Variants in CRYBA4 observed in about 807,000 individuals in gnomAD.
CRYBA4 encodes beta-crystallin A4.
CRYBA4 carries 30 observed loss-of-function variants against 31.7 expected under a neutral mutation model. The observed-to-expected ratio is 0.95, with a 90% CI of 0.71 to 1.28. The LOEUF (loss-of-function observed/expected upper bound fraction) is 1.28. Ranked by LOEUF, CRYBA4 falls within the 50% of genes most tolerant of loss-of-function variation. The pLI is 0.00. For synonymous variants in CRYBA4, 102 were observed against 102.3 expected (o/e 1.00, Z 0.02); for missense variants, 225 against 260.7 (o/e 0.86, Z 0.94).
chr22:26,615,819 T>A, the CRYBA4 span, among the ~76,000 whole-genome samples: 1 of 152,258 alleles, frequency 6.6e-6, no homozygotes, highest in East Asian at 1.9e-4. Context: ...CGGCCCCACT[T>A]TCTCCAAGTG....
At chr22:26,612,272 A>G in the CRYBA4 span, 1 of 896,014 alleles carries the variant, frequency 1.1e-6, no homozygotes, top group South Asian at 1.3e-5. Flanking sequence ...AATAAAAGCC[A>G]GCAGTGCAGG....
chr22:26,617,602 C>T (rs76892096), upstream of CRYBA4, among the ~76,000 whole-genome samples: 5,157 of 152,052 alleles, frequency 0.034, 148 homozygotes, highest in East Asian at 0.092. Flanking sequence ...TTCACCCTCT[C>T]CCTCTGTTCC....
chr22:26,623,202 C>T (rs368952089), intron 2 of CRYBA4, 32 bp from the exon 3 acceptor site: 31 of 1,567,354 alleles, frequency 2.0e-5, no homozygotes, highest in Admixed American at 3.3e-5. Flanking sequence ...GACTCTGATG[C>T]GGATCTCCAC....
At chr22:26,628,555 G>C (rs1929822523) in intron 5 of CRYBA4, 125 bp downstream of exon 5, 4 of 1,093,534 alleles carry the variant, frequency 3.7e-6, no homozygotes, top group Non-Finnish European at 5.3e-6. Context: ...GGAGAACACT[G>C]AGGCACAGGG....
Position 26,626,294 on chromosome 22 carries a change from C to T in CRYBA4, c.300+672C>T, listed in dbSNP as rs560641889. Among the ~76,000 whole-genome samples, 290 of 152,298 alleles carry T rather than the reference C, an allele frequency of 1.9e-3. 1 individual carries two copies. Among genetic ancestry groups the T allele is most frequent in the Non-Finnish European group, 3.3e-3 (223 of 68,028 alleles). ...TGGCACATGCCTGTAGTCCCAGCTACTCAGGAGGCTGAGGCAGGAGAATCA... is the reference window on the plus strand; with the variant it reads ...TGGCACATGCCTGTAGTCCCAGCTATTCAGGAGGCTGAGGCAGGAGAATCA... On this transcript the variant is annotated intron_variant, in intron 4 of 5. Coordinates refer to ENST00000354760, the MANE Select transcript of CRYBA4 (RefSeq NM_001886.3).
At chr22:26,624,481 G>A (rs1929644069) in intron 3 of CRYBA4, among the ~76,000 whole-genome samples, 1 of 152,240 alleles carries the variant, frequency 6.6e-6, no homozygotes, top group South Asian at 2.1e-4. Flanking sequence ...AGTTTGGAAA[G>A]TAGATAGGAG....
the CRYBA4 span, among the ~76,000 whole-genome samples, chr22:26,606,983 A>C: frequency 6.6e-6 from 1 of 151,424 alleles, no homozygotes; most frequent in South Asian, 2.1e-4. Context: ...TCTTATTATT[A>C]AGAGGTTCAA....
At chr22:26,622,090 C>T (rs1410748876) in intron 1 of CRYBA4, 104 bp downstream of exon 1, 3 of 492,188 alleles carry the variant, frequency 6.1e-6, no homozygotes, top group Non-Finnish European at 8.0e-6. Flanking sequence ...CTGTGTCATC[C>T]TGAATGCCAT....
upstream of CRYBA4, among the ~76,000 whole-genome samples, chr22:26,618,352 C>A (rs1929427169): frequency 1.3e-5 from 2 of 152,208 alleles, no homozygotes; most frequent in Non-Finnish European, 2.9e-5. Context: ...AGGCAGGAGA[C>A]CAGAGTTTGA....
chr22:26,603,125 C>CAAAAAAAAAAAAAAAAAAAAAAAAAAAAA, the CRYBA4 span, among the ~76,000 whole-genome samples: 1 of 69,352 alleles, frequency 1.4e-5, no homozygotes. Flanking sequence ...GACTCCGTCT[C>CAAAAAAAAAAAAAAAAAAAAAAAAAAAAA]AAAAAAAAAA....
intron 5 of CRYBA4, among the ~76,000 whole-genome samples, chr22:26,629,961 A>T (rs8136378): frequency 0.019 from 2,929 of 152,280 alleles, 80 homozygotes; most frequent in African/African-American, 0.066. Context: ...TCCTACACTC[A>T]GGAGCTTGCC....
intron 3 of CRYBA4, 47 bp from the exon 4 acceptor site, chr22:26,625,434 G>GA: frequency 6.2e-7 from 1 of 1,608,156 alleles, no homozygotes; most frequent in South Asian, 1.1e-5. Flanking sequence ...TAGAATGCAG[G>GA]GTGAGGGGGA....
chr22:26,624,907 A>G (rs1041857296), intron 3 of CRYBA4, among the ~76,000 whole-genome samples: 1 of 152,184 alleles, frequency 6.6e-6, no homozygotes, highest in African/African-American at 2.4e-5. Flanking sequence ...CCCACATCTC[A>G]GAGTGGCCAG....
At chr22:26,616,246 C>T in the CRYBA4 span, 480 of 1,614,114 alleles carry the variant, frequency 3.0e-4, 2 homozygotes, top group African/African-American at 5.7e-3. Flanking sequence ...AGGTGGGGCC[C>T]CCTTCCCCTT....
the CRYBA4 span, among the ~76,000 whole-genome samples, chr22:26,605,232 C>T: frequency 6.6e-6 from 1 of 152,192 alleles, no homozygotes; most frequent in African/African-American, 2.4e-5. Context: ...TTGTGTAACA[C>T]CTACCACAGT....
At chr22:26,605,524 A>C in the CRYBA4 span, among the ~76,000 whole-genome samples, 1 of 151,978 alleles carries the variant, frequency 6.6e-6, no homozygotes, top group Non-Finnish European at 1.5e-5. Context: ...AAATACAAAA[A>C]TTATCTGGGC....
the CRYBA4 span, among the ~76,000 whole-genome samples, chr22:26,606,344 G>T: frequency 4.2e-3 from 641 of 152,214 alleles, 4 homozygotes; most frequent in African/African-American, 0.015. Flanking sequence ...CCAATATAAT[G>T]ATATCAATGC....
upstream of CRYBA4, among the ~76,000 whole-genome samples, chr22:26,620,495 G>A (rs1259279390): frequency 1.3e-5 from 2 of 150,896 alleles, no homozygotes; most frequent in Non-Finnish European, 3.0e-5. Flanking sequence ...CAGTCTGGCT[G>A]TAGAGGGTGC....
chr22:26,599,552 G>A, the CRYBA4 span: 21 of 1,614,014 alleles, frequency 1.3e-5, no homozygotes, highest in South Asian at 3.3e-5. Flanking sequence ...TGCTTGTCAC[G>A]CAGGCGACGC....
Sources: allele counts gnomAD v4.1 joint callset (sites outside exome capture counted in the v4.1 genomes callset), GRCh38; gene constraint gnomAD v4.1.1; transcripts MANE v1.5; gene names NCBI Gene and HGNC (gene_info 2026-07-23, HGNC 2026-07-21).